The following XIRP2 variants were observed in gnomAD, a reference collection of about 807,000 sequenced individuals.
XIRP2 encodes the protein xin actin binding repeat containing 2, also known as xin actin-binding repeat-containing protein 2.
Under a neutral mutation model 277.0 loss-of-function variants are expected in XIRP2, and 236 were observed. The observed-to-expected ratio is 0.85, with a 90% CI of 0.77 to 0.95. XIRP2 has a LOEUF of 0.95. XIRP2 is among the 40% of genes least tolerant of loss of function. The probability of loss-of-function intolerance (pLI) is 0.00; values close to 1 mark genes in which losing one functional copy is unlikely to be tolerated. For synonymous variants in XIRP2, 1,490 were observed against 1,416.5 expected (o/e 1.05, Z -1.17); for missense variants, 4,640 against 4,157.5 (o/e 1.12, Z -3.19).
intron 3 of XIRP2, among the ~76,000 whole-genome samples, chr2:167,148,621 T>C (rs16853046): frequency 0.1 from 15,184 of 151,950 alleles, 823 homozygotes; most frequent in South Asian, 0.15. Context: ...AATGTAAATG[T>C]CCCAACTCTT....
intron 2 of XIRP2, among the ~76,000 whole-genome samples, chr2:167,037,551 G>C (rs1688544732): frequency 6.6e-6 from 1 of 151,192 alleles, no homozygotes; most frequent in Non-Finnish European, 1.5e-5. Context: ...GTGTGTGTGT[G>C]TGTGTGTTTT....
At chr2:167,137,958 T>C (rs553891492) in intron 3 of XIRP2, among the ~76,000 whole-genome samples, 2 of 152,310 alleles carry the variant, frequency 1.3e-5, no homozygotes, top group African/African-American at 4.8e-5. Flanking sequence ...ATTTTAATAC[T>C]TAATTTAGTT....
intron 9 of XIRP2, among the ~76,000 whole-genome samples, 200 bp from the exon 10 acceptor site, chr2:167,253,832 G>A (rs1005873712): frequency 6.6e-6 from 1 of 151,332 alleles, no homozygotes; most frequent in Non-Finnish European, 1.5e-5. Context: ...AGAAGCACTA[G>A]AGTAATGTAG....
chr2:167,245,576 C>T lies in XIRP2; in HGVS notation c.4184C>T (p.Pro1395Leu). The change falls in exon 9 of 11, where the codon CCA (proline) becomes CTA (leucine). Residue 1395 changes from proline to leucine, a missense_variant. Pro to Leu is a moderately conservative substitution (Grantham distance 98, BLOSUM62 -3). Coordinates refer to ENST00000409195, the MANE Select transcript of XIRP2 (RefSeq NM_152381.6). ...GTCAGATACAGATTTGAAACTCAGC[C>T]ACTGGATCAGATTTCTGAAGAATCA... The part of the protein sequence containing the change: ...SSVRYRFETQ[P>L]LDQISEESHN... The T allele has an allele frequency of 6.2e-7, 1 of 1,613,598 alleles. No homozygotes were observed. The highest frequency in any genetic ancestry group is 2.2e-5 in the East Asian group (1 of 44,836).
chr2:167,238,181 C>T (rs1694955732), intron 5 of XIRP2, among the ~76,000 whole-genome samples: 1 of 152,136 alleles, frequency 6.6e-6, no homozygotes, highest in Non-Finnish European at 1.5e-5. Flanking sequence ...GCATTCCTCA[C>T]TTATTCATTA....
At chr2:167,082,501 G>C (rs941468752) in intron 2 of XIRP2, among the ~76,000 whole-genome samples, 9 of 151,946 alleles carry the variant, frequency 5.9e-5, no homozygotes, top group African/African-American at 1.9e-4. Context: ...TCTAGTTCTA[G>C]ATCCCTGAGG....
rs79429168 is a variant in XIRP2, at chr2:167,030,227, G to C, written c.409-105682G>C. Among the ~76,000 whole-genome samples, 515 of 152,098 alleles carry C rather than the reference G, an allele frequency of 3.4e-3. 4 individuals carry two copies. Among genetic ancestry groups the C allele is most frequent in the African/African-American group, 0.012 (491 of 41,518 alleles). On this transcript the variant is annotated intron_variant, in intron 2 of 10. Coordinates refer to ENST00000409195, the MANE Select transcript of XIRP2 (RefSeq NM_152381.6). ...TCTCTATCTCATTCAGTTCTGCTCTGATCTTGGTTATTTCTTGTCTTCCAC... is the reference window on the plus strand; with the variant it reads ...TCTCTATCTCATTCAGTTCTGCTCTCATCTTGGTTATTTCTTGTCTTCCAC...
chr2:167,153,202 C>G (rs10497311), intron 3 of XIRP2, among the ~76,000 whole-genome samples: 15,038 of 151,984 alleles, frequency 0.099, 795 homozygotes, highest in South Asian at 0.16. Flanking sequence ...GGGGAGTATG[C>G]ACTTTCATAT....
At chr2:167,017,680 A>G (rs913396848) in intron 2 of XIRP2, among the ~76,000 whole-genome samples, 8 of 151,938 alleles carry the variant, frequency 5.3e-5, no homozygotes, top group African/African-American at 1.4e-4. Flanking sequence ...TCCTCGACTC[A>G]TGTAGAAGTC....
At chr2:167,072,071 G>A (rs987587891) in intron 2 of XIRP2, among the ~76,000 whole-genome samples, 1 of 152,092 alleles carries the variant, frequency 6.6e-6, no homozygotes. Flanking sequence ...TAATACAGCA[G>A]CACAATGGAA....
chr2:167,186,612 G>A (rs1312801507), intron 3 of XIRP2, among the ~76,000 whole-genome samples: 1 of 152,084 alleles, frequency 6.6e-6, no homozygotes, highest in African/African-American at 2.4e-5. Flanking sequence ...GGGTCAGATT[G>A]GCAGCATGTG....
intron 2 of XIRP2, among the ~76,000 whole-genome samples, chr2:167,039,449 A>G (rs1688605051): frequency 6.6e-6 from 1 of 152,240 alleles, no homozygotes; most frequent in South Asian, 2.1e-4. Context: ...AGATCAAGGA[A>G]ACAATTTTGA....
At chr2:166,988,250 A>C (rs1481019381) in intron 2 of XIRP2, among the ~76,000 whole-genome samples, 1 of 152,182 alleles carries the variant, frequency 6.6e-6, no homozygotes, top group African/African-American at 2.4e-5. Context: ...TGTATTAAGA[A>C]GAAAACCGCA....
chr2:166,918,942 C>T (rs1158511611), intron 2 of XIRP2, among the ~76,000 whole-genome samples: 1 of 151,976 alleles, frequency 6.6e-6, no homozygotes, highest in African/African-American at 2.4e-5. Context: ...TGACTAAGTC[C>T]TTTCTCTGAA....
chr2:167,159,637 G>A (rs1187706724), intron 3 of XIRP2, among the ~76,000 whole-genome samples: 1 of 151,332 alleles, frequency 6.6e-6, no homozygotes, highest in East Asian at 1.9e-4. Context: ...AAATATGTTG[G>A]GAAAAATATT....
In XIRP2 at chr2:167,246,768, G is replaced by T. The variant is rs374142019; in HGVS notation, c.5376G>T (p.Leu1792=). 175 of 1,613,804 alleles carry T rather than the reference G, an allele frequency of 1.1e-4. No homozygotes were observed. Among genetic ancestry groups the T allele is most frequent in the Admixed American group, 3.5e-4 (21 of 59,998 alleles). Residue 1792 remains leucine (L), a synonymous_variant, in exon 9 of 11, where the codon CTG becomes CTT. Transcript: ENST00000409195. The part of the protein sequence containing the change: ...GGDVEGTKLL[L]KKRQSLVERT... The stretch of plus-strand genomic sequence containing the variant: ...ATGTTGAAGGTACAAAACTGTTACT[G>T]AAGAAAAGGCAGTCTCTGGTTGAAC...
chr2:166,950,448 C>T (rs1290996959), intron 2 of XIRP2, among the ~76,000 whole-genome samples: 1 of 151,328 alleles, frequency 6.6e-6, no homozygotes, highest in Non-Finnish European at 1.5e-5. Flanking sequence ...TTTGGCAGCT[C>T]ACAGATAAAA....
At chr2:167,152,137 C>A (rs1558998407) in intron 3 of XIRP2, among the ~76,000 whole-genome samples, 1 of 151,878 alleles carries the variant, frequency 6.6e-6, no homozygotes, top group Non-Finnish European at 1.5e-5. Context: ...CATATGACAC[C>A]CCAGCATATT....
chr2:166,946,933 T>A (rs1685886663), intron 2 of XIRP2, among the ~76,000 whole-genome samples: 1 of 152,128 alleles, frequency 6.6e-6, no homozygotes, highest in South Asian at 2.1e-4. Context: ...TTCATTGCTA[T>A]CAATTATCTA....
Sources: allele counts gnomAD v4.1 joint callset (sites outside exome capture counted in the v4.1 genomes callset), GRCh38; gene constraint gnomAD v4.1.1; transcripts MANE v1.5; gene names NCBI Gene and HGNC (gene_info 2026-07-23, HGNC 2026-07-21).